Variants in DOCK2 observed in about 807,000 individuals in gnomAD.
DOCK2 encodes the protein dedicator of cytokinesis 2.
In DOCK2, 87 loss-of-function variants were observed where a neutral mutation model predicts 248.9. The ratio of observed to expected loss-of-function variants is 0.35; its 90% CI spans 0.29 to 0.42. The LOEUF (loss-of-function observed/expected upper bound fraction) is 0.42, where lower values mean the gene tolerates loss of function less well. Among genes scored for constraint, DOCK2 ranks in the 10% least tolerant of loss-of-function variants. The pLI is 1.00. For missense variants in DOCK2, 1,747 were observed against 2,300.2 expected (o/e 0.76, Z 4.92); for synonymous variants, 805 against 821.6 (o/e 0.98, Z 0.35).
At chr5:169,841,939 T>C (rs575641577) in intron 27 of DOCK2, among the ~76,000 whole-genome samples, 27 of 152,284 alleles carry the variant, frequency 1.8e-4, no homozygotes, top group African/African-American at 5.8e-4. Context: ...GTAAATACGT[T>C]TGAATGAATA....
intron 15 of DOCK2, among the ~76,000 whole-genome samples, chr5:169,709,459 G>C (rs1761456043): frequency 6.6e-6 from 1 of 152,176 alleles, no homozygotes; most frequent in African/African-American, 2.4e-5. Context: ...CCAGCACTAT[G>C]AGAGGCTGAG....
intron 2 of DOCK2, among the ~76,000 whole-genome samples, chr5:169,657,071 C>T (rs67434050): frequency 0.27 from 41,664 of 152,072 alleles, 5,891 homozygotes; most frequent in Middle Eastern, 0.35. Flanking sequence ...TGGAAGTCTG[C>T]TAGAATGATT....
At chr5:170,067,092 T>C (rs1757517030) in intron 44 of DOCK2, among the ~76,000 whole-genome samples, 1 of 152,168 alleles carries the variant, frequency 6.6e-6, no homozygotes. Flanking sequence ...TAACAACCAG[T>C]CTTAGGACCT....
intron 9 of DOCK2, among the ~76,000 whole-genome samples, chr5:169,694,830 G>A (rs1760520513): frequency 6.6e-6 from 1 of 151,830 alleles, no homozygotes; most frequent in Non-Finnish European, 1.5e-5. Flanking sequence ...AAAAAATTAG[G>A]TAGGCATGGT....
intron 22 of DOCK2, among the ~76,000 whole-genome samples, chr5:169,737,777 G>A (rs1442166892): frequency 6.6e-6 from 1 of 152,200 alleles, no homozygotes. Flanking sequence ...CCTGGACCGG[G>A]CATGGAAGCT....
chr5:169,767,327 A>G lies in DOCK2; in HGVS notation c.2554+5702A>G, dbSNP rs912338987. On this transcript the variant is annotated intron_variant, in intron 25 of 51. Coordinates refer to ENST00000520908, the MANE Select transcript of DOCK2 (RefSeq NM_004946.3). ...GCATCATTTGCAAATACTTTCCCCT[A>G]TTCTGTAGGTCGTCCATTTACTCTG... 4.6e-5 allele frequency among the ~76,000 whole-genome samples: 7 copies of G among 152,260 alleles called. No individual in the cohort carries two copies. In the East Asian group the frequency reaches 9.6e-4, roughly 21 times the overall value.
intron 22 of DOCK2, among the ~76,000 whole-genome samples, chr5:169,735,982 G>C (rs999528504): frequency 3.9e-5 from 6 of 151,926 alleles, no homozygotes; most frequent in Non-Finnish European, 8.8e-5. Context: ...GGGAGAGAGA[G>C]AGTGAGAGAG....
At chr5:170,079,863 C>T (rs993216107) in intron 49 of DOCK2, 20 of 277,280 alleles carry the variant, frequency 7.2e-5, no homozygotes, top group East Asian at 2.1e-4. Flanking sequence ...GCAGGCTACT[C>T]TTGCGTGGAT....
intron 27 of DOCK2, among the ~76,000 whole-genome samples, chr5:169,905,076 C>T (rs1476402090): frequency 6.6e-6 from 1 of 152,104 alleles, no homozygotes; most frequent in African/African-American, 2.4e-5. Context: ...TCAGGGAGGC[C>T]GTGCAGAGTG....
intron 19 of DOCK2, among the ~76,000 whole-genome samples, chr5:169,715,248 C>G (rs1230029443): frequency 6.6e-6 from 1 of 152,160 alleles, no homozygotes; most frequent in East Asian, 1.9e-4. Context: ...TGAATTGGGA[C>G]AAGTGTTTCC....
At chr5:169,802,983 A>C in intron 25 of DOCK2, 75 bp from the exon 26 acceptor site, 1 of 1,508,130 alleles carries the variant, frequency 6.6e-7, no homozygotes, top group Non-Finnish European at 9.0e-7. Flanking sequence ...TTAATGAAAC[A>C]TTGTATGCAT....
chr5:169,789,566 CT>C (rs1766197247), intron 25 of DOCK2, among the ~76,000 whole-genome samples: 1 of 152,168 alleles, frequency 6.6e-6, no homozygotes, highest in South Asian at 2.1e-4. Flanking sequence ...TATTTATTAT[CT>C]TTATTTCCTC....
rs188934791 is a variant in DOCK2 at position 169,884,999 on chromosome 5, C to T, written c.2799+44147C>T. On this transcript the variant is annotated intron_variant, in intron 27 of 51. Coordinates refer to ENST00000520908, the MANE Select transcript of DOCK2 (RefSeq NM_004946.3). Reference sequence around the variant, plus strand: ...GCTTTGTGGGTGCAAGGCCTTGGAACAAAATGCCTGTCTGCCTGGACCCTT... The same window carrying T: ...GCTTTGTGGGTGCAAGGCCTTGGAATAAAATGCCTGTCTGCCTGGACCCTT... Among the ~76,000 whole-genome samples, 791 of 152,234 alleles carry T rather than the reference C, an allele frequency of 5.2e-3. 9 individuals carry two copies. Among genetic ancestry groups the T allele is most frequent in the African/African-American group, 0.019 (771 of 41,516 alleles).
chr5:170,057,171 A>G (rs1282404642), intron 43 of DOCK2: 2 of 358,300 alleles, frequency 5.6e-6, no homozygotes, highest in African/African-American at 4.2e-5. Context: ...CTAGGATTCA[A>G]ACAAGACTGG....
At chr5:169,932,745 C>T (rs1775814082) in intron 27 of DOCK2, among the ~76,000 whole-genome samples, 1 of 152,094 alleles carries the variant, frequency 6.6e-6, no homozygotes, top group Non-Finnish European at 1.5e-5. Context: ...AATGTGAATC[C>T]TCTCTGATCC....
chr5:170,050,161 T>C (rs993279317), intron 40 of DOCK2, 95 bp from the exon 41 acceptor site: 7 of 1,503,732 alleles, frequency 4.7e-6, no homozygotes, highest in African/African-American at 1.4e-5. Flanking sequence ...GACATCCCCA[T>C]GGACCGTGGT....
chr5:169,906,072 A>G (rs75540806), intron 27 of DOCK2, among the ~76,000 whole-genome samples: 1,807 of 152,350 alleles, frequency 0.012, 57 homozygotes, highest in South Asian at 0.12. Context: ...AAATGAATGC[A>G]AAGACATTTT....
chr5:169,830,873 G>A (rs576352379), intron 26 of DOCK2, among the ~76,000 whole-genome samples: 2 of 152,272 alleles, frequency 1.3e-5, no homozygotes, highest in East Asian at 1.9e-4. Context: ...AGCATGGGAC[G>A]GGAGACCTGC....
intron 26 of DOCK2, among the ~76,000 whole-genome samples, chr5:169,833,030 A>G (rs74886786): frequency 0.082 from 12,451 of 152,158 alleles, 556 homozygotes; most frequent in Non-Finnish European, 0.093. Context: ...GGCCCCCTCA[A>G]TGTTCAGCAG....
Sources: gnomAD v4.1 joint callset for allele counts (sites outside exome capture counted in the v4.1 genomes callset) on GRCh38, gnomAD v4.1.1 for gene constraint, MANE v1.5 for transcripts, NCBI Gene and HGNC (gene_info 2026-07-23, HGNC 2026-07-21) for gene names.